RGS6: variants seen among roughly 807,000 people sequenced by gnomAD.
The protein encoded by RGS6 is regulator of G protein signaling 6.
In RGS6, 30 loss-of-function variants were observed where a neutral mutation model predicts 78.5. The ratio of observed to expected loss-of-function variants is 0.38; its 90% CI spans 0.29 to 0.52. The LOEUF is 0.52. RGS6 is among the 20% of genes least tolerant of loss of function. The pLI, the probability that RGS6 is intolerant of heterozygous loss-of-function variation, is 0.85. For synonymous variants in RGS6, 206 were observed against 206.0 expected, an observed-to-expected ratio of 1.00 and a Z score of 0.00; for missense variants, 495 against 609.7, an observed-to-expected ratio of 0.81 and a Z score of 1.98.
Position 72,053,299 on chromosome 14 carries a change from T to C in RGS6, c.84+88424T>C, listed in dbSNP as rs189125633. On this transcript the variant is annotated intron_variant, in intron 2 of 17. Coordinates refer to ENST00000553525, the MANE Select transcript of RGS6 (RefSeq NM_001204424.2). ...CACGCCTGGCTAATTTTCGTATTTT[T>C]AGTAGAGACGGAGTTTCACCATATT... Among the ~76,000 whole-genome samples the C allele has an allele frequency of 2.8e-3, 424 of 151,452 alleles. 2 individuals are homozygous for C. Among genetic ancestry groups the C allele is most frequent in the Non-Finnish European group, 4.4e-3 (302 of 67,898 alleles).
At chr14:72,428,654 C>T (rs1272092693) in intron 3 of RGS6, among the ~76,000 whole-genome samples, 1 of 152,162 alleles carries the variant, frequency 6.6e-6, no homozygotes, top group Admixed American at 6.5e-5. Context: ...TCTGGTTCGA[C>T]TCCATGTAAC....
chr14:72,452,498 G>T (rs1157452105), intron 3 of RGS6, among the ~76,000 whole-genome samples: 2 of 152,158 alleles, frequency 1.3e-5, no homozygotes, highest in Admixed American at 6.5e-5. Context: ...AAATGTCTAG[G>T]CTTTCTGTCC....
At chr14:72,442,527 A>C (rs1206227931) in intron 3 of RGS6, among the ~76,000 whole-genome samples, 1 of 152,216 alleles carries the variant, frequency 6.6e-6, no homozygotes. Context: ...GCACCAGTTT[A>C]AGGACAGAGC....
the RGS6 span, among the ~76,000 whole-genome samples, chr14:72,600,382 T>C: frequency 7.1e-6 from 1 of 140,674 alleles, no homozygotes; most frequent in African/African-American, 2.5e-5. Context: ...GCACCCCTAC[T>C]TCCCTGACGA....
chr14:72,126,752 G>C lies in RGS6; in HGVS notation c.84+161877G>C, dbSNP rs1308514807. 2.0e-5 allele frequency among the ~76,000 whole-genome samples: 3 copies of C among 152,306 alleles called. No individual in the cohort carries two copies. The East Asian group carries it at 5.8e-4, about 29-fold the overall frequency. On this transcript the variant is annotated intron_variant, in intron 2 of 17. Coordinates refer to ENST00000553525, the MANE Select transcript of RGS6 (RefSeq NM_001204424.2). ...CAATTTCATGAGGCTGTTTTAACTGGGAGGACATTGTCACCTGGCTGGGCT... is the reference window on the plus strand; with the variant it reads ...CAATTTCATGAGGCTGTTTTAACTGCGAGGACATTGTCACCTGGCTGGGCT...
At position 72,562,468 on chromosome 14, in the gene RGS6, C is replaced by T. The variant is rs756466248; in HGVS notation, c.*1C>T. The T allele has an allele frequency of 2.5e-6, 4 of 1,612,422 alleles. No homozygotes were observed. On this transcript the variant is annotated 3_prime_UTR_variant, in exon 18 of 18. Transcript: ENST00000553525. ...CACGGGCCTGATGCAGTCCTCCTGA[C>T]CGTTCCTACCGCAGGTCCAGGGCCT...
chr14:72,492,252 A>G (rs2096587979), intron 12 of RGS6, among the ~76,000 whole-genome samples: 1 of 152,186 alleles, frequency 6.6e-6, no homozygotes, highest in South Asian at 2.1e-4. Flanking sequence ...GGAAAACTGT[A>G]TTTGTGCTTA....
intron 15 of RGS6, among the ~76,000 whole-genome samples, chr14:72,531,244 C>T (rs996391345): frequency 6.6e-6 from 1 of 151,996 alleles, no homozygotes; most frequent in African/African-American, 2.4e-5. Flanking sequence ...ACCAGCCTGG[C>T]CAACATGGGG....
At chr14:72,096,381 C>G (rs1193616065) in intron 2 of RGS6, among the ~76,000 whole-genome samples, 1 of 152,082 alleles carries the variant, frequency 6.6e-6, no homozygotes, top group African/African-American at 2.4e-5. Context: ...CCTTGATTAT[C>G]TTTAGGTGAT....
At chr14:72,368,951 T>C (rs190058815) in intron 3 of RGS6, among the ~76,000 whole-genome samples, 2 of 152,300 alleles carry the variant, frequency 1.3e-5, no homozygotes, top group Admixed American at 6.5e-5. Flanking sequence ...GGGTGTCTAA[T>C]CTTTTGACTT....
At chr14:72,589,092 G>A in the RGS6 span, among the ~76,000 whole-genome samples, 1 of 152,184 alleles carries the variant, frequency 6.6e-6, no homozygotes, top group Non-Finnish European at 1.5e-5. Flanking sequence ...TGAACACTTG[G>A]AAGGATGTCT....
chr14:72,094,397 TATC>T (rs761042716), intron 2 of RGS6, among the ~76,000 whole-genome samples: 3 of 152,232 alleles, frequency 2.0e-5, no homozygotes, highest in Non-Finnish European at 2.9e-5. Context: ...GAGGACAAGA[TATC>T]ATTGATAAGT....
intron 2 of RGS6, among the ~76,000 whole-genome samples, chr14:72,290,389 C>T (rs753770148): frequency 2.0e-5 from 3 of 152,184 alleles, no homozygotes; most frequent in African/African-American, 7.2e-5. Flanking sequence ...GGCATGTTTT[C>T]GATAGCTTCA....
intron 2 of RGS6, among the ~76,000 whole-genome samples, chr14:72,251,003 T>G (rs2055613250): frequency 6.6e-6 from 1 of 152,206 alleles, no homozygotes; most frequent in Admixed American, 6.5e-5. Flanking sequence ...AAAGGCCAGA[T>G]AGCTGAAGCT....
At chr14:72,551,232 C>T (rs1399442312) in intron 17 of RGS6, among the ~76,000 whole-genome samples, 1 of 152,104 alleles carries the variant, frequency 6.6e-6, no homozygotes, top group African/African-American at 2.4e-5. Context: ...CGTGACCCAC[C>T]CTTCAGCAGG....
At chr14:72,277,693 C>G (rs922731598) in intron 2 of RGS6, among the ~76,000 whole-genome samples, 3 of 152,068 alleles carry the variant, frequency 2.0e-5, no homozygotes, top group Non-Finnish European at 4.4e-5. Flanking sequence ...TTTGGGAGGC[C>G]GAGGCAGTCA....
chr14:72,469,831 C>T, intron 7 of RGS6, 176 bp from the exon 8 acceptor site: 1 of 595,794 alleles, frequency 1.7e-6, no homozygotes, highest in Middle Eastern at 4.4e-4. Context: ...TAGTTCAGCT[C>T]TGTACGGAGG....
the RGS6 span, among the ~76,000 whole-genome samples, chr14:72,602,618 C>T: frequency 1.3e-5 from 2 of 152,152 alleles, no homozygotes; most frequent in African/African-American, 2.4e-5. Flanking sequence ...ATTTGGCAAA[C>T]GGATCACCGA....
rs575535066 is a variant in RGS6 at position 72,397,806 on chromosome 14, A to G, written c.184+45612A>G. Among the ~76,000 whole-genome samples, 8 of 152,326 alleles carry G rather than the reference A, an allele frequency of 5.3e-5. No homozygotes were observed. In the South Asian group the frequency reaches 1.4e-3, roughly 28 times the overall value. ...AGGCCTTTTCTACATCTTTTGAGAT[A>G]ATCATGTGGTTTTTGTCTTTGGTTC... is the stretch of plus-strand genomic sequence containing the variant. On this transcript the variant is annotated intron_variant, in intron 3 of 17. Transcript: ENST00000553525.
Sources: gnomAD v4.1 joint callset for allele counts (sites outside exome capture counted in the v4.1 genomes callset) on GRCh38, gnomAD v4.1.1 for gene constraint, MANE v1.5 for transcripts, NCBI Gene and HGNC (gene_info 2026-07-23, HGNC 2026-07-21) for gene names.